PCDH9: variants seen among roughly 807,000 people sequenced by gnomAD.
The protein encoded by PCDH9 is protocadherin-9.
PCDH9 carries 24 observed loss-of-function variants against 70.6 expected under a neutral mutation model. That is an observed-to-expected ratio of 0.34 (90% confidence interval 0.25 to 0.48). The LOEUF is 0.48. Ranked by LOEUF, PCDH9 falls within the 20% of genes least tolerant of loss-of-function variation. The pLI is 0.99. For missense variants in PCDH9, 1,281 were observed against 1,503.6 expected, an observed-to-expected ratio of 0.85 and a Z score of 2.45; for synonymous variants, 562 against 558.5, an observed-to-expected ratio of 1.01 and a Z score of -0.09.
intron 2 of PCDH9, among the ~76,000 whole-genome samples, chr13:66,964,621 A>C (rs2083402172): frequency 6.6e-6 from 1 of 152,112 alleles, no homozygotes; most frequent in African/African-American, 2.4e-5. Flanking sequence ...ATGTAAAAAA[A>C]AAAAATATTC....
chr13:66,734,653 C>T (rs764640917), intron 3 of PCDH9, among the ~76,000 whole-genome samples: 2 of 152,138 alleles, frequency 1.3e-5, no homozygotes, highest in African/African-American at 2.4e-5. Flanking sequence ...TTCTAAGTTT[C>T]AAATTTTTGA....
At chr13:66,445,463 T>C (rs1958057041) in intron 4 of PCDH9, among the ~76,000 whole-genome samples, 1 of 142,066 alleles carries the variant, frequency 7.0e-6, no homozygotes, top group Non-Finnish European at 1.5e-5. Context: ...TATACACATA[T>C]ATATAATATA....
chr13:66,941,565 CATT>C (rs1263316853), intron 2 of PCDH9, among the ~76,000 whole-genome samples: 1 of 151,732 alleles, frequency 6.6e-6, no homozygotes, highest in East Asian at 1.9e-4. Context: ...AGAAAAGATA[CATT>C]ACACTAGCAC....
intron 2 of PCDH9, among the ~76,000 whole-genome samples, chr13:66,961,746 T>C (rs78775751): frequency 6.6e-6 from 1 of 152,158 alleles, no homozygotes; most frequent in African/African-American, 2.4e-5. Flanking sequence ...ATGTTGATGA[T>C]AAACTTTGAT....
intron 2 of PCDH9, among the ~76,000 whole-genome samples, chr13:67,144,660 G>C (rs181816069): frequency 7.2e-5 from 11 of 152,176 alleles, no homozygotes; most frequent in Admixed American, 5.9e-4. Flanking sequence ...AATGCTAATA[G>C]AGTGTGCAAA....
chr13:67,135,015 A>G (rs1038500852), intron 2 of PCDH9, among the ~76,000 whole-genome samples: 2 of 152,136 alleles, frequency 1.3e-5, no homozygotes, highest in African/African-American at 4.8e-5. Flanking sequence ...GCTTAGGATT[A>G]TCCAAATTAT....
intron 2 of PCDH9, among the ~76,000 whole-genome samples, chr13:67,153,791 G>T (rs1436110246): frequency 1.3e-5 from 2 of 152,176 alleles, no homozygotes; most frequent in African/African-American, 4.8e-5. Flanking sequence ...TTTACCATTT[G>T]CTGAAATAAT....
chr13:66,638,613 CAAAT>C (rs1199886716), intron 3 of PCDH9, among the ~76,000 whole-genome samples: 1 of 151,976 alleles, frequency 6.6e-6, no homozygotes, highest in East Asian at 1.9e-4. Context: ...TTAACAACCT[CAAAT>C]AACGATTGAT....
At chr13:66,693,738 G>A (rs980440590) in intron 3 of PCDH9, among the ~76,000 whole-genome samples, 1 of 152,120 alleles carries the variant, frequency 6.6e-6, no homozygotes. Flanking sequence ...TGATACACAT[G>A]GTAAAGACAA....
intron 3 of PCDH9, among the ~76,000 whole-genome samples, chr13:66,884,630 G>C (rs1471513931): frequency 2.0e-5 from 3 of 152,120 alleles, no homozygotes; most frequent in Non-Finnish European, 2.9e-5. Flanking sequence ...CTAACATACT[G>C]ACAGTTGGTC....
intron 2 of PCDH9, among the ~76,000 whole-genome samples, chr13:66,974,482 A>G (rs962538606): frequency 2.0e-5 from 3 of 152,020 alleles, no homozygotes; most frequent in African/African-American, 7.2e-5. Flanking sequence ...ATTGGATTGG[A>G]AAAGAAGTAG....
chr13:66,873,255 T>A (rs2081730769), intron 3 of PCDH9, among the ~76,000 whole-genome samples: 1 of 152,162 alleles, frequency 6.6e-6, no homozygotes, highest in Non-Finnish European at 1.5e-5. Context: ...GTCACCCTAA[T>A]ATCTATAAAA....
intron 4 of PCDH9, among the ~76,000 whole-genome samples, chr13:66,596,256 A>C (rs73194758): frequency 0.16 from 24,534 of 151,610 alleles, 2,169 homozygotes; most frequent in Middle Eastern, 0.22. Context: ...AATTGTTATT[A>C]CAGGCCTTCA....
chr13:66,837,493 A>T (rs2081041858), intron 3 of PCDH9, among the ~76,000 whole-genome samples: 1 of 151,844 alleles, frequency 6.6e-6, no homozygotes, highest in Non-Finnish European at 1.5e-5. Context: ...CTCTGCGCCA[A>T]CTCTGAGTTG....
chr13:66,967,956 CAGG>C (rs1332636145), intron 2 of PCDH9, among the ~76,000 whole-genome samples: 6 of 152,122 alleles, frequency 3.9e-5, no homozygotes, highest in African/African-American at 1.4e-4. Context: ...CCAGTTCTAA[CAGG>C]AGATCATTCA....
At chr13:66,326,175 A>G (rs1005979071) in intron 4 of PCDH9, among the ~76,000 whole-genome samples, 1 of 152,114 alleles carries the variant, frequency 6.6e-6, no homozygotes, top group Non-Finnish European at 1.5e-5. Context: ...TTACGTCTTT[A>G]TATGGCTTAA....
intron 2 of PCDH9, among the ~76,000 whole-genome samples, chr13:67,172,681 C>A (rs560110332): frequency 6.6e-6 from 1 of 151,746 alleles, no homozygotes; most frequent in African/African-American, 2.4e-5. Context: ...AGTTCGACAC[C>A]AGCCTGACCA....
At chr13:66,980,730 G>GTTGTTTTTTTTTTTT (rs2083730019) in intron 2 of PCDH9, among the ~76,000 whole-genome samples, 1 of 70,872 alleles carries the variant, frequency 1.4e-5, no homozygotes, top group African/African-American at 5.3e-5. Context: ...TTTTTTCTTT[G>GTTGTTTTTTTTTTTT]TTTTTTTTTT....
At chr13:66,928,151 C>G (rs2082745989) in intron 2 of PCDH9, among the ~76,000 whole-genome samples, 1 of 152,094 alleles carries the variant, frequency 6.6e-6, no homozygotes, top group Non-Finnish European at 1.5e-5. Context: ...GTTTGCTGCA[C>G]ACTTGCTGCC....
Sources: gnomAD v4.1 joint callset for allele counts (sites outside exome capture counted in the v4.1 genomes callset) on GRCh38, gnomAD v4.1.1 for gene constraint, MANE v1.5 for transcripts, NCBI Gene and HGNC (gene_info 2026-07-23, HGNC 2026-07-21) for gene names.